The following PKIA variants were observed in gnomAD, a reference collection of about 807,000 sequenced individuals.
The protein encoded by PKIA is cAMP-dependent protein kinase inhibitor alpha.
PKIA carries 4 observed loss-of-function variants against 7.6 expected under a neutral mutation model. That is an observed-to-expected ratio of 0.52 (90% confidence interval 0.26 to 1.20). PKIA has a LOEUF of 1.20. Among genes scored for constraint, PKIA ranks in the 50% most tolerant of loss-of-function variants. PKIA has a pLI of 0.13. For synonymous variants in PKIA, 21 were observed against 30.7 expected (o/e 0.68, Z 1.04); for missense variants, 73 against 86.2 (o/e 0.85, Z 0.61).
intron 1 of PKIA, among the ~76,000 whole-genome samples, chr8:78,519,269 C>A (rs879711601): frequency 4.0e-5 from 6 of 151,320 alleles, no homozygotes; most frequent in Admixed American, 4.0e-4. Context: ...CCTCTTCTAA[C>A]AAAATATCTT....
chr8:78,588,157 G>C (rs984949175), intron 2 of PKIA, among the ~76,000 whole-genome samples: 5 of 152,174 alleles, frequency 3.3e-5, no homozygotes, highest in African/African-American at 1.2e-4. Flanking sequence ...TGGAGATGGA[G>C]AAAGAGTGTG....
At chr8:78,584,618 T>C (rs369112736) in intron 2 of PKIA, among the ~76,000 whole-genome samples, 5 of 152,116 alleles carry the variant, frequency 3.3e-5, no homozygotes, top group Non-Finnish European at 7.4e-5. Context: ...ACATTACTAA[T>C]GCATAATGCT....
intron 1 of PKIA, among the ~76,000 whole-genome samples, chr8:78,545,033 T>G (rs1806786149): frequency 6.6e-6 from 1 of 152,110 alleles, no homozygotes; most frequent in South Asian, 2.1e-4. Flanking sequence ...CTTTCACTAT[T>G]GGAAATAATA....
intron 2 of PKIA, among the ~76,000 whole-genome samples, chr8:78,574,045 A>G (rs1807617473): frequency 6.6e-6 from 1 of 152,052 alleles, no homozygotes; most frequent in South Asian, 2.1e-4. Flanking sequence ...CATTAGATGT[A>G]CTATTCAATG....
At chr8:78,578,386 G>C (rs893915060) in intron 2 of PKIA, among the ~76,000 whole-genome samples, 4 of 151,952 alleles carry the variant, frequency 2.6e-5, no homozygotes, top group African/African-American at 9.7e-5. Flanking sequence ...TGTAGCTGCA[G>C]TTGATAGACA....
At chr8:78,517,939 A>C (rs1809346243) in intron 1 of PKIA, among the ~76,000 whole-genome samples, 1 of 152,216 alleles carries the variant, frequency 6.6e-6, no homozygotes, top group Non-Finnish European at 1.5e-5. Context: ...ACAGCCATGC[A>C]ATTTTATTTT....
At chr8:78,598,590 A>G in intron 3 of PKIA, 55 bp downstream of exon 3, 1 of 1,432,666 alleles carries the variant, frequency 7.0e-7, no homozygotes, top group Non-Finnish European at 9.8e-7. Context: ...GCGGCATTTT[A>G]CTAAGAGGGA....
rs146932410 is a variant in PKIA at position 78,600,787 on chromosome 8, G to T, written c.152-955G>T. Among the ~76,000 whole-genome samples the T allele has an allele frequency of 1.6e-4, 25 of 152,184 alleles. 1 individual carries two copies. The East Asian group carries it at 4.8e-3, about 29-fold the overall frequency. ...AAAGATTTAATGTTGTTGGAGTATG[G>T]TGAGGTGCTTTGTGTGTACTTGCTA... On this transcript the variant is annotated intron_variant, in intron 3 of 3. Coordinates refer to ENST00000396418, the MANE Select transcript of PKIA (RefSeq NM_006823.4).
rs1050978828 is a variant in PKIA at position 78,604,281 on chromosome 8, T to C, written c.*2460T>C. The stretch of plus-strand genomic sequence containing the variant: ...TCCTCAAACAATTCTATTAGAGTGG[T>C]ATTTTTATCCAATTTCACAGATTAA... On this transcript the variant is annotated 3_prime_UTR_variant, in exon 4 of 4. Coordinates refer to ENST00000396418, the MANE Select transcript of PKIA (RefSeq NM_006823.4). The C allele has an allele frequency of 6.6e-6, 1 of 152,026 alleles. No homozygotes were observed. The highest frequency in any genetic ancestry group is 1.5e-5 in the Non-Finnish European group (1 of 67,952). 9.4% of individuals were successfully genotyped at this position (152,026 alleles called of 1,614,324 possible).
intron 1 of PKIA, among the ~76,000 whole-genome samples, chr8:78,518,649 A>G (rs934806355): frequency 6.6e-6 from 1 of 152,188 alleles, no homozygotes; most frequent in African/African-American, 2.4e-5. Context: ...CGAAGTGTCT[A>G]TCATTTAGTT....
At chr8:78,583,880 A>G (rs571520532) in intron 2 of PKIA, among the ~76,000 whole-genome samples, 1 of 152,080 alleles carries the variant, frequency 6.6e-6, no homozygotes, top group Admixed American at 6.6e-5. Context: ...TTTTTCAAAA[A>G]AGAAATTTGC....
chr8:78,581,481 A>G (rs917840884), intron 2 of PKIA, among the ~76,000 whole-genome samples: 3 of 152,112 alleles, frequency 2.0e-5, no homozygotes, highest in African/African-American at 4.8e-5. Context: ...TTTTAATCAA[A>G]TGAGTAAAAT....
chr8:78,601,925 T>C lies in PKIA; in HGVS notation c.*104T>C. 1 of 865,374 alleles carries C rather than the reference T, an allele frequency of 1.2e-6. No individual in the cohort carries two copies. The highest frequency in any genetic ancestry group is 1.5e-5 in the South Asian group (1 of 66,520). The allele number at this position is 865,374 out of a possible 1,614,324, so 53.6% of individuals were successfully genotyped here. A position where few individuals can be genotyped will look rare whatever the true frequency, so the allele number is the denominator to read the frequency against. ...GTGAAAAGAGGAAAAAGAAAATGGC[T>C]GTGCTGCATTGCAGGAACCTGCTCA... On this transcript the variant is annotated 3_prime_UTR_variant, in exon 4 of 4. Transcript: ENST00000396418.
chr8:78,581,723 C>G (rs1452238273), intron 2 of PKIA, among the ~76,000 whole-genome samples: 1 of 152,030 alleles, frequency 6.6e-6, no homozygotes, highest in East Asian at 1.9e-4. Context: ...ATAAAAGAAA[C>G]TAAGACAGGA....
chr8:78,555,861 C>A (rs993957917), intron 1 of PKIA, among the ~76,000 whole-genome samples: 7 of 151,984 alleles, frequency 4.6e-5, no homozygotes, highest in African/African-American at 1.7e-4. Flanking sequence ...TATATTAAGT[C>A]ATATTTGAGG....
chr8:78,549,043 A>C (rs1806911060), intron 1 of PKIA, among the ~76,000 whole-genome samples: 1 of 152,078 alleles, frequency 6.6e-6, no homozygotes, highest in Non-Finnish European at 1.5e-5. Context: ...ATAACTACAC[A>C]AAATTAACAC....
chr8:78,546,626 G>T (rs2118442186), intron 1 of PKIA, among the ~76,000 whole-genome samples: 1 of 152,300 alleles, frequency 6.6e-6, no homozygotes, highest in African/African-American at 2.4e-5. Flanking sequence ...ATGTGGAGCG[G>T]AGTTTGAAAC....
At chr8:78,526,255 G>A (rs539318777) in intron 1 of PKIA, among the ~76,000 whole-genome samples, 25 of 152,144 alleles carry the variant, frequency 1.6e-4, no homozygotes, top group African/African-American at 5.8e-4. Context: ...ACTGTAATGC[G>A]AGGTTGTTAG....
chr8:78,560,567 T>C (rs746947425), intron 1 of PKIA, among the ~76,000 whole-genome samples: 1 of 152,172 alleles, frequency 6.6e-6, no homozygotes, highest in Non-Finnish European at 1.5e-5. Flanking sequence ...ACTAAAGTGA[T>C]GAATATTACT....
Sources: allele counts gnomAD v4.1 joint callset (sites outside exome capture counted in the v4.1 genomes callset), GRCh38; gene constraint gnomAD v4.1.1; transcripts MANE v1.5; gene names NCBI Gene and HGNC (gene_info 2026-07-23, HGNC 2026-07-21).